Variants in ABTB3 observed in about 807,000 individuals in gnomAD.
ABTB3 encodes ankyrin repeat- and BTB/POZ domain-containing protein 3.
At chr12:107,450,856 C>T in the ABTB3 span, among the ~76,000 whole-genome samples, 1 of 151,974 alleles carries the variant, frequency 6.6e-6, no homozygotes, top group African/African-American at 2.4e-5. Flanking sequence ...CTCTCTGGGT[C>T]TTTATGTAGA....
the ABTB3 span, among the ~76,000 whole-genome samples, chr12:107,550,529 C>T: frequency 1.3e-5 from 2 of 148,198 alleles, no homozygotes; most frequent in African/African-American, 5.0e-5. Flanking sequence ...ACAACAACAA[C>T]AAAAAACTGA....
the ABTB3 span, among the ~76,000 whole-genome samples, chr12:107,637,441 C>A: frequency 6.6e-6 from 1 of 152,080 alleles, no homozygotes; most frequent in East Asian, 1.9e-4. Context: ...TCAGCCCAAG[C>A]ATTAGAATTC....
At chr12:107,507,230 G>A in the ABTB3 span, among the ~76,000 whole-genome samples, 7 of 152,080 alleles carry the variant, frequency 4.6e-5, no homozygotes, top group African/African-American at 1.7e-4. Flanking sequence ...GGCTGGTTGA[G>A]CTCTAGAGGC....
chr12:107,404,944 T>A, the ABTB3 span, among the ~76,000 whole-genome samples: 1 of 152,214 alleles, frequency 6.6e-6, no homozygotes, highest in East Asian at 1.9e-4. Context: ...ATTTTGCAGA[T>A]GAACATAGTG....
the ABTB3 span, among the ~76,000 whole-genome samples, chr12:107,403,275 A>G: frequency 2.0e-5 from 3 of 152,222 alleles, no homozygotes; most frequent in African/African-American, 7.2e-5. Context: ...CATTAGTGAC[A>G]GACCTGAACT....
chr12:107,327,049 G>A, the ABTB3 span, among the ~76,000 whole-genome samples: 1 of 152,120 alleles, frequency 6.6e-6, no homozygotes, highest in South Asian at 2.1e-4. Flanking sequence ...CCTTCTTGGG[G>A]GCTCTAAATC....
chr12:107,526,989 A>T, the ABTB3 span, among the ~76,000 whole-genome samples: 1 of 151,888 alleles, frequency 6.6e-6, no homozygotes, highest in Non-Finnish European at 1.5e-5. Flanking sequence ...TCATGCCCCT[A>T]CCACAAGGCC....
the ABTB3 span, among the ~76,000 whole-genome samples, chr12:107,534,772 C>T: frequency 2.0e-5 from 3 of 152,128 alleles, no homozygotes; most frequent in Non-Finnish European, 4.4e-5. Context: ...ATAACAATAA[C>T]AAGTAATGAG....
the ABTB3 span, among the ~76,000 whole-genome samples, chr12:107,623,068 T>TTTC: frequency 1.3e-5 from 2 of 151,836 alleles, no homozygotes; most frequent in African/African-American, 2.4e-5. Context: ...TGTCTTTTTT[T>TTTC]TTTTTTTTTT....
At chr12:107,372,487 G>A in the ABTB3 span, among the ~76,000 whole-genome samples, 4 of 152,196 alleles carry the variant, frequency 2.6e-5, no homozygotes, top group Non-Finnish European at 5.9e-5. Flanking sequence ...GTGGCACTGA[G>A]AGGTTGGATA....
the ABTB3 span, chr12:107,319,886 C>T: frequency 1.5e-6 from 2 of 1,333,068 alleles, no homozygotes; most frequent in Non-Finnish European, 9.8e-7. Flanking sequence ...CTGTTGCGCC[C>T]CGCCGGCCGC....
chr12:107,460,938 T>C, the ABTB3 span, among the ~76,000 whole-genome samples: 1 of 152,080 alleles, frequency 6.6e-6, no homozygotes, highest in African/African-American at 2.4e-5. Flanking sequence ...TAAAATAAGG[T>C]TGTTTTAGTC....
At chr12:107,649,258 A>T in the ABTB3 span, 1 of 1,613,578 alleles carries the variant, frequency 6.2e-7, no homozygotes, top group Middle Eastern at 1.7e-4. Flanking sequence ...CTCATTAAAA[A>T]CAATGAGATC....
At chr12:107,598,621 A>T in the ABTB3 span, among the ~76,000 whole-genome samples, 1 of 152,228 alleles carries the variant, frequency 6.6e-6, no homozygotes, top group South Asian at 2.1e-4. Flanking sequence ...ATGAAATAAG[A>T]GCAAAAACAG....
the ABTB3 span, among the ~76,000 whole-genome samples, chr12:107,621,249 C>A: frequency 6.6e-6 from 1 of 151,088 alleles, no homozygotes; most frequent in African/African-American, 2.5e-5. Context: ...GAGGTCAAGA[C>A]CCACCAGGAC....
At chr12:107,449,800 C>T in the ABTB3 span, among the ~76,000 whole-genome samples, 1 of 152,126 alleles carries the variant, frequency 6.6e-6, no homozygotes, top group Admixed American at 6.6e-5. Flanking sequence ...GCCTACACCA[C>T]CACACTGGCT....
At chr12:107,408,929 C>T in the ABTB3 span, among the ~76,000 whole-genome samples, 1 of 152,214 alleles carries the variant, frequency 6.6e-6, no homozygotes, top group African/African-American at 2.4e-5. Flanking sequence ...GGCTTTTAGC[C>T]CACCCCTCCA....
At chr12:107,658,325 T>C in the ABTB3 span, 1 of 152,616 alleles carries the variant, frequency 6.6e-6, no homozygotes, top group South Asian at 2.1e-4. Flanking sequence ...GTGTTTGAGA[T>C]TTTTCTTTAT....
At chr12:107,406,928 G>C in the ABTB3 span, among the ~76,000 whole-genome samples, 1 of 152,138 alleles carries the variant, frequency 6.6e-6, no homozygotes, top group Non-Finnish European at 1.5e-5. Flanking sequence ...CTGAGCTTGG[G>C]CTCCGGAGCC....
Sources: gnomAD v4.1 joint callset for allele counts (sites outside exome capture counted in the v4.1 genomes callset) on GRCh38, gnomAD v4.1.1 for gene constraint, MANE v1.5 for transcripts, NCBI Gene and HGNC (gene_info 2026-07-23, HGNC 2026-07-21) for gene names.